DOCK3: variants seen among roughly 807,000 people sequenced by gnomAD.
DOCK3 encodes dedicator of cytokinesis protein 3.
In DOCK3, 60 loss-of-function variants were observed where a neutral mutation model predicts 265.6. The ratio of observed to expected loss-of-function variants is 0.23; its 90% CI spans 0.18 to 0.28. DOCK3 has a LOEUF of 0.28. Among genes scored for constraint, DOCK3 ranks in the 10% least tolerant of loss-of-function variants. The pLI is 1.00. For synonymous variants in DOCK3, 881 were observed against 938.0 expected, an observed-to-expected ratio of 0.94 and a Z score of 1.11; for missense variants, 1,981 against 2,594.3, an observed-to-expected ratio of 0.76 and a Z score of 5.14.
chr3:50,998,628 A>G (rs1458346705), intron 5 of DOCK3, among the ~76,000 whole-genome samples: 1 of 152,216 alleles, frequency 6.6e-6, no homozygotes. Context: ...CATCGTTAAT[A>G]TAGCAATATC....
At chr3:50,902,117 G>A (rs1196441307) in intron 4 of DOCK3, among the ~76,000 whole-genome samples, 2 of 151,750 alleles carry the variant, frequency 1.3e-5, no homozygotes, top group Non-Finnish European at 2.9e-5. Flanking sequence ...TGTAGATTCT[G>A]TCTCCCATTC....
intron 9 of DOCK3, among the ~76,000 whole-genome samples, chr3:51,127,001 C>T (rs910910941): frequency 4.6e-5 from 7 of 152,006 alleles, no homozygotes; most frequent in Admixed American, 1.3e-4. Flanking sequence ...TTAACTCACA[C>T]GATCCCACAA....
At chr3:51,286,501 A>G (rs2081413281) in intron 27 of DOCK3, among the ~76,000 whole-genome samples, 1 of 152,202 alleles carries the variant, frequency 6.6e-6, no homozygotes, top group Non-Finnish European at 1.5e-5. Context: ...AAAAAGCCTG[A>G]ATAGCCAAAG....
chr3:50,766,213 G>A (rs1370758619), intron 1 of DOCK3, among the ~76,000 whole-genome samples: 1 of 151,856 alleles, frequency 6.6e-6, no homozygotes, highest in Non-Finnish European at 1.5e-5. Flanking sequence ...ATGTTGGTGT[G>A]CTGCACCCAT....
intron 1 of DOCK3, among the ~76,000 whole-genome samples, chr3:50,703,447 A>G (rs1016521478): frequency 6.6e-6 from 1 of 152,118 alleles, no homozygotes; most frequent in Non-Finnish European, 1.5e-5. Context: ...AGAATTTAGC[A>G]GTAAAGCCAT....
At chr3:51,299,812 G>A (rs1205896390) in intron 27 of DOCK3, among the ~76,000 whole-genome samples, 1 of 152,156 alleles carries the variant, frequency 6.6e-6, no homozygotes, top group African/African-American at 2.4e-5. Flanking sequence ...TTTGGTTACT[G>A]TAGCCTTGTA....
intron 3 of DOCK3, among the ~76,000 whole-genome samples, chr3:50,848,549 G>T (rs558953030): frequency 1.3e-5 from 2 of 152,254 alleles, no homozygotes; most frequent in East Asian, 3.9e-4. Context: ...TGCTAATGAA[G>T]CTTAGTTGGC....
intron 9 of DOCK3, among the ~76,000 whole-genome samples, chr3:51,116,545 A>G (rs2083752486): frequency 6.6e-6 from 1 of 151,106 alleles, no homozygotes; most frequent in Non-Finnish European, 1.5e-5. Context: ...TCTATGAATT[A>G]CTTTGAGTAT....
At chr3:50,886,209 T>TATATA (rs10689032) in intron 3 of DOCK3, among the ~76,000 whole-genome samples, 3 of 141,834 alleles carry the variant, frequency 2.1e-5, no homozygotes, top group African/African-American at 5.0e-5. Context: ...TATATATATA[T>TATATA]TCCAGAGTTT....
At chr3:51,304,629 G>A (rs148015771) in intron 27 of DOCK3, among the ~76,000 whole-genome samples, 1 of 152,218 alleles carries the variant, frequency 6.6e-6, no homozygotes, top group African/African-American at 2.4e-5. Flanking sequence ...CCTGATCTAT[G>A]GGTTGCACAG....
At chr3:51,075,040 A>AACATGACTTTTTAATG (rs2082008688) in intron 6 of DOCK3, among the ~76,000 whole-genome samples, 1 of 152,196 alleles carries the variant, frequency 6.6e-6, no homozygotes, top group Non-Finnish European at 1.5e-5. Context: ...TAGAAAAATA[A>AACATGACTTTTTAATG]ACATGACTTT....
chr3:51,354,140 AC>A, intron 40 of DOCK3, among the ~76,000 whole-genome samples: 1 of 152,254 alleles, frequency 6.6e-6, no homozygotes, highest in East Asian at 1.9e-4. Context: ...GTTACTGAAT[AC>A]CTACTGGGCA....
intron 4 of DOCK3, among the ~76,000 whole-genome samples, chr3:50,902,554 C>T (rs748982170): frequency 6.6e-6 from 1 of 152,116 alleles, no homozygotes; most frequent in Non-Finnish European, 1.5e-5. Flanking sequence ...TGTTTTTGTA[C>T]CAGTACCATG....
chr3:50,847,902 A>AAAAAT (rs1378115981), intron 3 of DOCK3, among the ~76,000 whole-genome samples: 3 of 149,926 alleles, frequency 2.0e-5, no homozygotes, highest in African/African-American at 7.3e-5. Flanking sequence ...AAAAAAAAAA[A>AAAAAT]ATCCCCCACA....
intron 5 of DOCK3, among the ~76,000 whole-genome samples, chr3:51,057,770 C>T (rs574490646): frequency 4.2e-4 from 64 of 152,190 alleles, no homozygotes; most frequent in Middle Eastern, 3.4e-3. Context: ...TAGGTTGGCC[C>T]GGAAAAAGAA....
intron 9 of DOCK3, among the ~76,000 whole-genome samples, chr3:51,111,761 A>G (rs2083529380): frequency 6.6e-6 from 1 of 152,258 alleles, no homozygotes; most frequent in Non-Finnish European, 1.5e-5. Flanking sequence ...AACTATCAAC[A>G]GAGTAAACAG....
intron 27 of DOCK3, among the ~76,000 whole-genome samples, chr3:51,281,551 T>C (rs957609170): frequency 2.0e-5 from 3 of 152,204 alleles, no homozygotes; most frequent in Admixed American, 6.5e-5. Flanking sequence ...GCTTGCCTTA[T>C]GGTCAAATCT....
chr3:51,257,855 T>C (rs2079635234), intron 22 of DOCK3, among the ~76,000 whole-genome samples: 1 of 152,144 alleles, frequency 6.6e-6, no homozygotes, highest in African/African-American at 2.4e-5. Flanking sequence ...TCTGCCCCGC[T>C]CTCCTTCCCC....
chr3:51,375,723 T>C (rs1245820248), intron 50 of DOCK3, 25 bp from the exon 51 acceptor site: 1 of 1,613,748 alleles, frequency 6.2e-7, no homozygotes, highest in Non-Finnish European at 8.5e-7. Context: ...TTTCACTCTC[T>C]GTAATGTTTA....
Sources: gnomAD v4.1 joint callset for allele counts (sites outside exome capture counted in the v4.1 genomes callset) on GRCh38, gnomAD v4.1.1 for gene constraint, MANE v1.5 for transcripts, NCBI Gene and HGNC (gene_info 2026-07-23, HGNC 2026-07-21) for gene names.